The following TEX35 variants were observed in gnomAD, a reference collection of about 807,000 sequenced individuals.
TEX35 encodes testis-expressed protein 35.
Under a neutral mutation model 31.9 loss-of-function variants are expected in TEX35, and 26 were observed. The observed-to-expected ratio is 0.81, with a 90% CI of 0.60 to 1.13. The LOEUF (loss-of-function observed/expected upper bound fraction) is 1.13, where lower values mean the gene tolerates loss of function less well. TEX35 is among the 50% of genes most tolerant of loss of function. The pLI is 0.00. For synonymous variants in TEX35, 87 were observed against 90.7 expected, an observed-to-expected ratio of 0.96 and a Z score of 0.23; for missense variants, 278 against 273.5, an observed-to-expected ratio of 1.02 and a Z score of -0.12.
intron 5 of TEX35, among the ~76,000 whole-genome samples, chr1:178,517,955 A>G (rs2101895934): frequency 6.6e-6 from 1 of 152,314 alleles, no homozygotes; most frequent in East Asian, 1.9e-4. Context: ...TGACAGAAAA[A>G]TCACTTACAT....
chr1:178,514,745 G>A lies in TEX35; in HGVS notation c.136G>A (p.Ala46Thr), dbSNP rs1429648953. The A allele has an allele frequency of 6.2e-7, 1 of 1,613,948 alleles. No homozygotes were observed. Among genetic ancestry groups the A allele is most frequent in the South Asian group, 1.1e-5 (1 of 90,972 alleles). The change falls in exon 3 of 9, where the codon GCA (alanine) becomes ACA (threonine). Residue 46 changes from alanine (A) to threonine (T), a missense_variant. Coordinates refer to ENST00000319416, the MANE Select transcript of TEX35 (RefSeq NM_032126.5). ...TAAACAAGAAGGGCGGTTTACCAAA[G>A]CAGGAGTGACACAGGACCTAAAGGT... is the stretch of plus-strand genomic sequence containing the variant. The part of the protein sequence containing the change: ...AVKQEGRFTK[A>T]GVTQDLKNEL...
intron 5 of TEX35, among the ~76,000 whole-genome samples, chr1:178,517,358 T>C (rs571462352): frequency 6.6e-6 from 1 of 152,192 alleles, no homozygotes; most frequent in South Asian, 2.1e-4. Flanking sequence ...TAAAACTCCA[T>C]TTACTTAGAC....
chr1:178,514,042 G>C lies in TEX35; in HGVS notation c.55G>C (p.Ala19Pro). 6.2e-7 allele frequency: 1 copy of C among 1,614,152 alleles called. No homozygotes were observed. Among genetic ancestry groups the C allele is most frequent in the Non-Finnish European group, 8.5e-7 (1 of 1,180,026 alleles). Residue 19 changes from alanine to proline, a missense_variant, in exon 2 of 9, where the codon GCA becomes CCA. Ala to Pro is a conservative substitution (Grantham distance 27). Transcript: ENST00000319416. ...KKTHLSKNYK[A>P]VCLELKPEPT... ...CTTTTTGCAGAGCAAGAACTACAAG[G>C]CAGTTTGCCTGGAATTGAAGCCAGA... is the stretch of plus-strand genomic sequence containing the variant.
At chr1:178,520,644 T>C in intron 6 of TEX35, 29 bp from the exon 7 acceptor site, 1 of 1,609,416 alleles carries the variant, frequency 6.2e-7, no homozygotes. Context: ...TCCCCAACTC[T>C]CTGCCCCTCC....
At chr1:178,522,186 C>T (rs1650311290) in intron 8 of TEX35, 139 bp from the exon 9 acceptor site, 1 of 1,214,272 alleles carries the variant, frequency 8.2e-7, no homozygotes, top group Non-Finnish European at 1.1e-6. Flanking sequence ...TCTGCCTGCA[C>T]CACACCCCTC....
rs10913563 is a variant in TEX35, at chr1:178,514,096, G to A, written c.90+19G>A. 0.41 allele frequency: 665,452 copies of A among 1,613,862 alleles called. 138,656 individuals carry two copies. The highest frequency in any genetic ancestry group is 0.48 in the Middle Eastern group (2,899 of 6,062). The stretch of plus-strand genomic sequence containing the variant: ...GACCAAAGTAAGAAGCCCTTTTGAG[G>A]CCATGCAGGCAGCCAGGCCTGAGAT... On this transcript the variant is annotated intron_variant, in intron 2 of 8. Transcript: ENST00000319416.
chr1:178,523,340 C>A (rs1650347445), downstream of TEX35: 1 of 690,670 alleles, frequency 1.4e-6, no homozygotes, highest in Non-Finnish European at 2.6e-6. Context: ...TCTATGGTAG[C>A]TCAATTTTTA....
At chr1:178,523,051 T>C (rs774759118), downstream of TEX35, among the ~76,000 whole-genome samples, 1 of 152,222 alleles carries the variant, frequency 6.6e-6, no homozygotes, top group Non-Finnish European at 1.5e-5. Context: ...GAACATGCGA[T>C]GTTTGTCTTT....
rs778459640 is a variant in TEX35, at chr1:178,520,417, A to G, written c.322A>G (p.Thr108Ala). 6.2e-7 allele frequency: 1 copy of G among 1,614,142 alleles called. No homozygotes were observed. The highest frequency in any genetic ancestry group is 8.5e-7 in the Non-Finnish European group (1 of 1,180,018). ...TGAGAAGATGGACATTTTAATAAAT[A>G]CACAGAAGAACTATAAGCTGTAAGT... Reference protein sequence around the residue: ...MDEKMDILINTQKNYKLPLRR... With the variant: ...MDEKMDILINAQKNYKLPLRR... The change falls in exon 6 of 9, where the codon ACA (threonine) becomes GCA (alanine). Residue 108 changes from threonine (T) to alanine (A), a missense_variant. Transcript: ENST00000319416.
At chr1:178,518,004 CA>C (rs1650142230) in intron 5 of TEX35, among the ~76,000 whole-genome samples, 1 of 151,468 alleles carries the variant, frequency 6.6e-6, no homozygotes. Flanking sequence ...AACATTTTTC[CA>C]AAAATATAAG....
At chr1:178,513,990 G>C (rs756843000) in intron 1 of TEX35, 37 bp from the exon 2 acceptor site, 3 of 1,609,810 alleles carry the variant, frequency 1.9e-6, no homozygotes, top group Non-Finnish European at 2.5e-6. Flanking sequence ...CAATCCTGAT[G>C]TCTGCCAGCC....
intron 5 of TEX35, 37 bp downstream of exon 5, chr1:178,516,711 C>T: frequency 6.8e-7 from 1 of 1,480,112 alleles, no homozygotes. Flanking sequence ...GGGCCAGTAC[C>T]ATACTGGAAA....
intron 5 of TEX35, among the ~76,000 whole-genome samples, chr1:178,519,782 A>T (rs1417426054): frequency 6.6e-6 from 1 of 152,180 alleles, no homozygotes; most frequent in Non-Finnish European, 1.5e-5. Context: ...AATTTTTCTC[A>T]TGTCCACTAT....
chr1:178,520,368 G>T lies in TEX35; in HGVS notation c.277-4G>T. ...AGATGCTAGTTCTGAATTCTCTCTC[G>T]AAGGAAATGCAGAAAGATATGGATG... is the stretch of plus-strand genomic sequence containing the variant. On this transcript the variant is annotated splice_polypyrimidine_tract_variant and splice_region_variant and intron_variant, in intron 5 of 8. Transcript: ENST00000319416. The T allele has an allele frequency of 6.2e-7, 1 of 1,613,218 alleles. No homozygotes were observed.
rs144999625 is a variant in TEX35, at chr1:178,514,733, C to A, written c.124C>A (p.Arg42=). ...TTACAAAGCAGTTAAACAAGAAGGG[C>A]GGTTTACCAAAGCAGGAGTGACACA... is the stretch of plus-strand genomic sequence containing the variant. ...FDYKAVKQEG[R]FTKAGVTQDL... Residue 42 remains arginine, a synonymous_variant, in exon 3 of 9, where the codon CGG becomes AGG. Transcript: ENST00000319416. The A allele has an allele frequency of 1.2e-6, 2 of 1,613,936 alleles. No individual in the cohort carries two copies. Among genetic ancestry groups the A allele is most frequent in the Admixed American group, 1.7e-5 (1 of 59,992 alleles).
At chr1:178,514,527 G>A (rs933299777) in intron 2 of TEX35, among the ~76,000 whole-genome samples, 173 bp from the exon 3 acceptor site, 2 of 152,208 alleles carry the variant, frequency 1.3e-5, no homozygotes, top group Admixed American at 6.5e-5. Flanking sequence ...GGAACAAGAT[G>A]AGCTGAAAGA....
chr1:178,520,378 C>A lies in TEX35; in HGVS notation c.283C>A (p.Gln95Lys), dbSNP rs763403408. 75 of 1,613,434 alleles carry A rather than the reference C, an allele frequency of 4.6e-5. No homozygotes were observed. The highest frequency in any genetic ancestry group is 5.9e-5 in the Non-Finnish European group (70 of 1,179,898). ...HEFVEIMKEM[Q>K]KDMDEKMDIL... The stretch of plus-strand genomic sequence containing the variant: ...TCTGAATTCTCTCTCGAAGGAAATG[C>A]AGAAAGATATGGATGAGAAGATGGA... The change falls in exon 6 of 9, where the codon CAG becomes AAG. Residue 95 changes from glutamine (Q) to lysine (K), a missense_variant. Transcript: ENST00000319416.
downstream of TEX35, among the ~76,000 whole-genome samples, chr1:178,522,831 C>T (rs12033565): frequency 0.14 from 20,884 of 152,094 alleles, 1,638 homozygotes; most frequent in African/African-American, 0.22. Context: ...CAGTTACGCT[C>T]TAAGTTATTT....
intron 2 of TEX35, 49 bp downstream of exon 2, chr1:178,514,126 G>T: frequency 6.2e-7 from 1 of 1,613,922 alleles, no homozygotes; most frequent in South Asian, 1.1e-5. Flanking sequence ...TGAGATCCAT[G>T]GGGAAGTGAC....
Sources: allele counts gnomAD v4.1 joint callset (sites outside exome capture counted in the v4.1 genomes callset), GRCh38; gene constraint gnomAD v4.1.1; transcripts MANE v1.5; gene names NCBI Gene and HGNC (gene_info 2026-07-23, HGNC 2026-07-21).